PICK1: variants seen among roughly 807,000 people sequenced by gnomAD.
PICK1 encodes PRKCA-binding protein.
In PICK1, 23 loss-of-function variants were observed where a neutral mutation model predicts 48.9. The observed-to-expected ratio is 0.47, with a 90% CI of 0.34 to 0.67. The LOEUF (loss-of-function observed/expected upper bound fraction) is 0.67, where lower values mean the gene tolerates loss of function less well. PICK1 is among the 30% of genes least tolerant of loss of function. The pLI is 0.01. For synonymous variants in PICK1, 217 were observed against 228.2 expected (o/e 0.95, Z 0.44); for missense variants, 423 against 557.1 (o/e 0.76, Z 2.42).
chr22:38,057,874 T>A (rs1375300656), intron 2 of PICK1, 24 bp downstream of exon 2: 22 of 1,597,480 alleles, frequency 1.4e-5, no homozygotes, highest in Non-Finnish European at 1.8e-5. Context: ...TCCCCCAAGT[T>A]CCAGCAGTAT....
chr22:38,075,312 C>T lies in PICK1; in HGVS notation c.*180C>T, dbSNP rs915338015. Reference sequence around the variant, plus strand: ...TCCTGCCCAGGACAGGCACCAGGGTCATGGCCTGGGACCTGGACACTGGCC... The same window carrying T: ...TCCTGCCCAGGACAGGCACCAGGGTTATGGCCTGGGACCTGGACACTGGCC... On this transcript the variant is annotated 3_prime_UTR_variant, in exon 13 of 13. Coordinates refer to ENST00000356976, the MANE Select transcript of PICK1 (RefSeq NM_012407.4). 37 of 630,622 alleles carry T rather than the reference C, an allele frequency of 5.9e-5. No individual in the cohort carries two copies. The highest frequency in any genetic ancestry group is 2.1e-4 in the Admixed American group (7 of 33,744). The allele number at this position is 630,622 out of a possible 1,614,324, so 39.1% of individuals were successfully genotyped here. A position where few individuals can be genotyped will look rare whatever the true frequency, so the allele number is the denominator to read the frequency against.
chr22:38,065,911 G>A (rs879397345), intron 4 of PICK1, among the ~76,000 whole-genome samples: 10 of 152,132 alleles, frequency 6.6e-5, no homozygotes, highest in Non-Finnish European at 1.2e-4. Flanking sequence ...TTGGCCAAGG[G>A]TGGCAGCTAC....
intron 2 of PICK1, 147 bp downstream of exon 2, chr22:38,057,997 C>T (rs1313167077): frequency 1.4e-6 from 1 of 735,188 alleles, no homozygotes; most frequent in African/African-American, 1.7e-5. Context: ...CTCCCAGGAG[C>T]TCACTATTTG....
chr22:38,067,194 G>A (rs886350417), intron 4 of PICK1, among the ~76,000 whole-genome samples: 10 of 152,110 alleles, frequency 6.6e-5, no homozygotes, highest in Admixed American at 2.6e-4. Flanking sequence ...TGTCCCCACT[G>A]ATTCCCCAGG....
chr22:38,071,173 G>A (rs762842618), intron 7 of PICK1, among the ~76,000 whole-genome samples: 3 of 151,964 alleles, frequency 2.0e-5, no homozygotes, highest in East Asian at 1.9e-4. Context: ...ATGGTGAAAC[G>A]CCATCTCTAC....
At chr22:38,072,681 G>GT (rs2085730719) in intron 9 of PICK1, 71 bp downstream of exon 9, 9 of 1,588,432 alleles carry the variant, frequency 5.7e-6, no homozygotes, top group Middle Eastern at 1.7e-4. Context: ...ATGCAGAGAA[G>GT]GTCGTATGCT....
At chr22:38,063,461 T>A (rs546315207) in intron 3 of PICK1, among the ~76,000 whole-genome samples, 10 of 152,050 alleles carry the variant, frequency 6.6e-5, no homozygotes, top group African/African-American at 2.4e-4. Context: ...TTAGGTTGTT[T>A]GGTTTTTGTT....
intron 3 of PICK1, among the ~76,000 whole-genome samples, chr22:38,061,045 T>A (rs935647486): frequency 1.3e-4 from 20 of 151,002 alleles, no homozygotes; most frequent in African/African-American, 2.4e-5. Context: ...CACCAGCCAA[T>A]AAAATAATAG....
At chr22:38,072,023 T>G (rs1226672773) in intron 8 of PICK1, 1 of 531,322 alleles carries the variant, frequency 1.9e-6, no homozygotes, top group Non-Finnish European at 3.4e-6. Context: ...AACCTGTAAC[T>G]CTGGGCAGGC....
chr22:38,068,560 G>A lies in PICK1; in HGVS notation c.350-473G>A, dbSNP rs558804477. 2.9e-3 allele frequency among the ~76,000 whole-genome samples: 448 copies of A among 152,290 alleles called. 1 individual carries two copies. The highest frequency in any genetic ancestry group is 5.1e-3 in the Non-Finnish European group (344 of 68,016). On this transcript the variant is annotated intron_variant, in intron 5 of 12. Coordinates refer to ENST00000356976, the MANE Select transcript of PICK1 (RefSeq NM_012407.4). ...AACACAGGACTAAGTCCCCTTCCTA[G>A]GACTAAGCTGGTCAGATGCAGTAAC...
chr22:38,075,026 G>GGGA lies in PICK1; in HGVS notation c.1161_1163dup (p.Glu388dup), dbSNP rs761247405. On this transcript the variant is annotated inframe_insertion, in exon 13 of 13. Transcript: ENST00000356976. ...CTCAACCAGGAGGAGTTCACAGATG[G>GGGA]GGAGGAGGAGGAGGAGGAGGAAGAC... The GGGA allele has an allele frequency of 1.8e-4, 284 of 1,612,876 alleles. No homozygotes were observed. The highest frequency in any genetic ancestry group is 6.7e-4 in the African/African-American group (50 of 75,010).
chr22:38,060,205 G>A (rs1340791314), intron 3 of PICK1, among the ~76,000 whole-genome samples: 1 of 152,210 alleles, frequency 6.6e-6, no homozygotes, highest in Non-Finnish European at 1.5e-5. Flanking sequence ...GGGTGACCGA[G>A]TGAGACCCTG....
rs2085526229 is a variant in PICK1, at chr22:38,066,410, A to T, written c.282+1280A>T. On this transcript the variant is annotated intron_variant, in intron 4 of 12. Transcript: ENST00000356976. This position sits in a 1 kb window ranked among gnomAD's most constrained non-coding sequence, Gnocchi z 4.1. ...TCCTCTCAGGCTTGGTCATACCAGC[A>T]CCTCAGGTTGCCCATGAGGACAAGA... Among the ~76,000 whole-genome samples, 1 of 152,038 alleles carries T rather than the reference A, an allele frequency of 6.6e-6. No individual in the cohort carries two copies. The highest frequency in any genetic ancestry group is 2.4e-5 in the African/African-American group (1 of 41,372).
At chr22:38,059,454 T>A in intron 3 of PICK1, 109 bp downstream of exon 3, 1 of 812,356 alleles carries the variant, frequency 1.2e-6, no homozygotes, top group Non-Finnish European at 2.1e-6. Flanking sequence ...TCTTGAGGTC[T>A]GACCCTCTCA....
chr22:38,072,956 C>T (rs371908586), intron 9 of PICK1, 44 bp from the exon 10 acceptor site: 3 of 1,310,738 alleles, frequency 2.3e-6, no homozygotes, highest in Non-Finnish European at 3.3e-6. Context: ...CACCCTGGCA[C>T]ACCCCTGCCG....
At chr22:38,071,969 G>T in intron 8 of PICK1, 1 of 599,466 alleles carries the variant, frequency 1.7e-6, no homozygotes, top group South Asian at 1.9e-5. Context: ...TCCTCACACT[G>T]CCACTGGCAG....
Position 38,067,704 on chromosome 22 carries a change from G to T in PICK1, c.283G>T (p.Gly95Trp). 6.2e-7 allele frequency: 1 copy of T among 1,613,672 alleles called. No individual in the cohort carries two copies. The highest frequency in any genetic ancestry group is 1.1e-5 in the South Asian group (1 of 91,074). ...EVAKMIQEVK[G>W]EVTIHYNKLQ... ...TAGTCTGTGTGTGCTGCTCTTCCAG[G>T]GGGAGGTGACCATCCACTACAACAA... The change falls in exon 5 of 13, where the codon GGG (glycine) becomes TGG (tryptophan). Residue 95 changes from glycine (G) to tryptophan (W), a missense_variant and splice_region_variant. Gly to Trp is a radical substitution (Grantham distance 184, BLOSUM62 -2). Transcript: ENST00000356976.
rs368390981 is a variant in PICK1, at chr22:38,072,587, C to T, written c.667C>T (p.Arg223Trp). The T allele has an allele frequency of 5.0e-5, 80 of 1,613,154 alleles. No homozygotes were observed. Among genetic ancestry groups the T allele is most frequent in the Non-Finnish European group, 6.2e-5 (73 of 1,180,042 alleles). ...AHRSIEKFGI[R>W]LLKTIKPMLT... is the part of the protein sequence containing the mutation. ...CCGCAGCATCGAGAAGTTCGGCATTCGGCTTCTGAAAACCATCAAGCCGGT... is the reference window on the plus strand; with the variant it reads ...CCGCAGCATCGAGAAGTTCGGCATTTGGCTTCTGAAAACCATCAAGCCGGT... Residue 223 changes from arginine (R) to tryptophan (W), a missense_variant, in exon 9 of 13, where the codon CGG becomes TGG. Coordinates refer to ENST00000356976, the MANE Select transcript of PICK1 (RefSeq NM_012407.4).
chr22:38,072,385 C>A, intron 8 of PICK1, 92 bp from the exon 9 acceptor site: 1 of 1,492,594 alleles, frequency 6.7e-7, no homozygotes, highest in Non-Finnish European at 9.1e-7. Context: ...TTCCAGCCTG[C>A]CAGGCCCCCT....
Sources: gnomAD v4.1 joint callset for allele counts (sites outside exome capture counted in the v4.1 genomes callset) on GRCh38, gnomAD v4.1.1 for gene constraint, Gnocchi (gnomAD v3.1) non-coding constraint, MANE v1.5 for transcripts, NCBI Gene and HGNC (gene_info 2026-07-23, HGNC 2026-07-21) for gene names.